UNC13C: variants seen among roughly 807,000 people sequenced by gnomAD.
UNC13C encodes protein unc-13 homolog C.
A neutral mutation model predicts 245.4 loss-of-function variants in UNC13C; 174 were observed. That is an observed-to-expected ratio of 0.71 (90% CI 0.63 to 0.80). UNC13C has a LOEUF of 0.80. UNC13C is among the 30% of genes least tolerant of loss of function. The pLI is 0.00. For missense variants in UNC13C, 2,829 were observed against 2,602.9 expected (o/e 1.09, Z -1.89); for synonymous variants, 992 against 895.1 (o/e 1.11, Z -1.93).
At chr15:53,892,316 T>G in the UNC13C span, among the ~76,000 whole-genome samples, 1 of 152,204 alleles carries the variant, frequency 6.6e-6, no homozygotes, top group African/African-American at 2.4e-5. Flanking sequence ...CATTTTTTTC[T>G]TCATTTCAAC....
chr15:54,337,219 A>T (rs1345180590), intron 16 of UNC13C, among the ~76,000 whole-genome samples: 3 of 152,146 alleles, frequency 2.0e-5, no homozygotes, highest in Admixed American at 6.5e-5. Context: ...ATTTAGAATT[A>T]TGTAAGATTT....
intron 17 of UNC13C, among the ~76,000 whole-genome samples, chr15:54,362,932 G>A (rs1345134252): frequency 6.6e-6 from 1 of 152,110 alleles, no homozygotes; most frequent in African/African-American, 2.4e-5. Context: ...GGAAGGATGT[G>A]TTAGGGAAAA....
At position 54,494,639 on chromosome 15, in the gene UNC13C, C is replaced by T. The variant is rs28537248; in HGVS notation, c.4965C>T (p.Thr1655=). 6,837 of 1,608,980 alleles carry T rather than the reference C, an allele frequency of 4.2e-3. 250 individuals carry two copies. In the African/African-American group the frequency reaches 0.079, roughly 19 times the overall value. The change falls in exon 20 of 33, where the codon ACC becomes ACT. Residue 1655 remains threonine (T), a synonymous_variant. Coordinates refer to ENST00000260323, the MANE Select transcript of UNC13C (RefSeq NM_001080534.3). ...AAAATCAGCGGTTATGCAAGAGCAC[C>T]GATTATATGAATTTGCATTTCAAAG... ...EHENQRLCKS[T]DYMNLHFKVK...
chr15:54,250,516 C>T, intron 8 of UNC13C, 72 bp downstream of exon 8: 2 of 1,376,890 alleles, frequency 1.5e-6, no homozygotes, highest in East Asian at 4.8e-5. Flanking sequence ...TGTTAGATCA[C>T]TTCAACTCTT....
the UNC13C span, among the ~76,000 whole-genome samples, chr15:53,872,075 A>C: frequency 6.6e-6 from 1 of 152,288 alleles, no homozygotes; most frequent in Admixed American, 6.5e-5. Flanking sequence ...AGATTCAGGA[A>C]ATCTGGATCA....
intron 2 of UNC13C, among the ~76,000 whole-genome samples, chr15:54,031,188 A>G (rs1024127707): frequency 5.3e-5 from 8 of 152,100 alleles, no homozygotes; most frequent in East Asian, 3.9e-4. Flanking sequence ...TGTCTTTTCT[A>G]TTATCAAATG....
chr15:54,272,040 C>T (rs558058623), intron 10 of UNC13C, among the ~76,000 whole-genome samples: 19 of 152,258 alleles, frequency 1.2e-4, no homozygotes, highest in Admixed American at 5.2e-4. Flanking sequence ...ACCTGAATAC[C>T]AGTACTATTC....
chr15:53,882,132 T>G, the UNC13C span, among the ~76,000 whole-genome samples: 1 of 152,212 alleles, frequency 6.6e-6, no homozygotes, highest in African/African-American at 2.4e-5. Flanking sequence ...GAGTGCAGTT[T>G]AAGGTACGGA....
chr15:53,916,315 C>G, the UNC13C span, among the ~76,000 whole-genome samples: 2 of 152,160 alleles, frequency 1.3e-5, no homozygotes, highest in South Asian at 4.1e-4. Context: ...CAACATGATC[C>G]ATTTGAGAAG....
chr15:54,357,679 G>A (rs1263332929), intron 17 of UNC13C, among the ~76,000 whole-genome samples: 1 of 151,996 alleles, frequency 6.6e-6, no homozygotes. Context: ...AACGTTTTAG[G>A]AGAAAGTAAT....
At chr15:54,607,483 C>T (rs1304644107) in intron 30 of UNC13C, among the ~76,000 whole-genome samples, 3 of 152,012 alleles carry the variant, frequency 2.0e-5, no homozygotes, top group Non-Finnish European at 4.4e-5. Flanking sequence ...TTAGAGTGAC[C>T]GTTCTTGTAG....
Position 54,013,869 on chromosome 15 carries a change from A to AT in UNC13C, c.971dup (p.Leu324PhefsTer5), listed in dbSNP as rs1222633539. On this transcript the variant is annotated frameshift_variant, in exon 2 of 33. Coordinates refer to ENST00000260323, the MANE Select transcript of UNC13C (RefSeq NM_001080534.3). LOFTEE classifies it high-confidence loss of function. ...ATATGGGTAGCAAGGCAAGCCTGAGATTTTTAAATGTGACTGAAGAAAGAT... is the reference window on the plus strand; with the variant it reads ...ATATGGGTAGCAAGGCAAGCCTGAGATTTTTTAAATGTGACTGAAGAAAGAT... 6.2e-7 allele frequency: 1 copy of AT among 1,613,290 alleles called. No individual in the cohort carries two copies. The highest frequency in any genetic ancestry group is 1.7e-5 in the Admixed American group (1 of 59,882).
intron 1 of UNC13C, among the ~76,000 whole-genome samples, chr15:53,986,558 G>A (rs1487564784): frequency 6.6e-6 from 1 of 151,868 alleles, no homozygotes; most frequent in African/African-American, 2.4e-5. Context: ...AAGTACAGAA[G>A]ATATGAAAAA....
chr15:54,580,536 G>A (rs1277224318), intron 30 of UNC13C, among the ~76,000 whole-genome samples: 1 of 152,150 alleles, frequency 6.6e-6, no homozygotes, highest in African/African-American at 2.4e-5. Context: ...TGCAAGACCT[G>A]GGATAAGTCA....
At chr15:54,253,051 C>T (rs898427802) in intron 8 of UNC13C, among the ~76,000 whole-genome samples, 1 of 152,150 alleles carries the variant, frequency 6.6e-6, no homozygotes. Flanking sequence ...GTTTCTAGTA[C>T]TCTTTATTTT....
At chr15:53,953,588 T>C in the UNC13C span, among the ~76,000 whole-genome samples, 45 of 152,192 alleles carry the variant, frequency 3.0e-4, no homozygotes, top group African/African-American at 1.1e-3. Flanking sequence ...GCATTACAAA[T>C]TGGGGGCAGT....
At chr15:54,564,175 T>C (rs28574981) in intron 29 of UNC13C, among the ~76,000 whole-genome samples, 1,628 of 152,150 alleles carry the variant, frequency 0.011, 33 homozygotes, top group African/African-American at 0.036. Flanking sequence ...ATAGCTACCC[T>C]CTGTCCTGGG....
intron 1 of UNC13C, among the ~76,000 whole-genome samples, chr15:53,982,354 C>G (rs1893960172): frequency 2.0e-5 from 3 of 152,058 alleles, no homozygotes; most frequent in Admixed American, 6.6e-5. Context: ...AAATTATTTA[C>G]TCTAGAAGTA....
chr15:54,505,468 A>G lies in UNC13C; in HGVS notation c.5302-1649A>G, dbSNP rs78012714. ...TAGGACCAAATAATGTGCATGTCCAACAAGTTCCCAGGTGATGCTTATAAT... is the reference window on the plus strand; with the variant it reads ...TAGGACCAAATAATGTGCATGTCCAGCAAGTTCCCAGGTGATGCTTATAAT... On this transcript the variant is annotated intron_variant, in intron 22 of 32. Coordinates refer to ENST00000260323, the MANE Select transcript of UNC13C (RefSeq NM_001080534.3). 1.1e-3 allele frequency among the ~76,000 whole-genome samples: 166 copies of G among 152,346 alleles called. 1 individual carries two copies. The highest frequency in any genetic ancestry group is 3.9e-3 in the African/African-American group (164 of 41,594).
Sources: allele counts gnomAD v4.1 joint callset (sites outside exome capture counted in the v4.1 genomes callset), GRCh38; gene constraint gnomAD v4.1.1; transcripts MANE v1.5; gene names NCBI Gene and HGNC (gene_info 2026-07-23, HGNC 2026-07-21).